Variants in CNIH1 observed in about 807,000 individuals in gnomAD.
The protein encoded by CNIH1 is cornichon family member 1.
A neutral mutation model predicts 20.2 loss-of-function variants in CNIH1; 12 were observed. The ratio of observed to expected loss-of-function variants is 0.59; its 90% confidence interval spans 0.38 to 0.96. The LOEUF is 0.96. Among genes scored for constraint, CNIH1 ranks in the 40% least tolerant of loss-of-function variants. CNIH1 has a pLI of 0.00. For missense variants in CNIH1, 152 were observed against 178.8 expected, an observed-to-expected ratio of 0.85 and a Z score of 0.85; for synonymous variants, 69 against 63.3, an observed-to-expected ratio of 1.09 and a Z score of -0.43.
chr14:54,433,671 G>A (rs946181028), intron 2 of CNIH1, among the ~76,000 whole-genome samples: 1 of 152,068 alleles, frequency 6.6e-6, no homozygotes, highest in African/African-American at 2.4e-5. Flanking sequence ...TTAAATTACA[G>A]ACGTTGTCTT....
At chr14:54,440,242 A>T (rs1342856473) in intron 1 of CNIH1, among the ~76,000 whole-genome samples, 1 of 152,214 alleles carries the variant, frequency 6.6e-6, no homozygotes, top group Non-Finnish European at 1.5e-5. Flanking sequence ...CGTAAGAGTG[A>T]ACGCGGTCAT....
At chr14:54,430,540 G>T in intron 3 of CNIH1, 136 bp from the exon 4 acceptor site, 1 of 772,174 alleles carries the variant, frequency 1.3e-6, no homozygotes, top group Non-Finnish European at 2.0e-6. Flanking sequence ...TGGGTAAAAT[G>T]CTTTCCTTTT....
At position 54,426,265 on chromosome 14, in the gene CNIH1, C is replaced by A. The variant is rs574075873; in HGVS notation, c.*1549G>T. ...CTAAATCTCTTCCTCAACATACTCACCCCCATTACCCAGAATAGTTAACAG... is the reference window on the plus strand; with the variant it reads ...CTAAATCTCTTCCTCAACATACTCAACCCCATTACCCAGAATAGTTAACAG... On this transcript the variant is annotated 3_prime_UTR_variant, in exon 5 of 5. Coordinates refer to ENST00000216416, the MANE Select transcript of CNIH1 (RefSeq NM_005776.3). 1 of 152,172 alleles carries A rather than the reference C, an allele frequency of 6.6e-6. No homozygotes were observed. The highest frequency in any genetic ancestry group is 1.5e-5 in the Non-Finnish European group (1 of 68,036). The allele number at this position is 152,172 out of a possible 1,614,324, so 9.4% of individuals were successfully genotyped here. A position where few individuals can be genotyped will look rare whatever the true frequency, so the allele number is the denominator to read the frequency against.
chr14:54,438,291 T>C (rs2031096030), intron 1 of CNIH1, among the ~76,000 whole-genome samples: 1 of 152,224 alleles, frequency 6.6e-6, no homozygotes, highest in Non-Finnish European at 1.5e-5. Flanking sequence ...CAGGGATTTT[T>C]TAACTATGTT....
Position 54,426,772 on chromosome 14 carries a change from C to G in CNIH1, c.*1042G>C, listed in dbSNP as rs1184994891. 6.6e-6 allele frequency: 1 copy of G among 152,162 alleles called. No homozygotes were observed. The highest frequency in any genetic ancestry group is 1.9e-4 in the East Asian group (1 of 5,200). The allele number at this position is 152,162 out of a possible 1,614,324, so 9.4% of individuals were successfully genotyped here. A position where few individuals can be genotyped will look rare whatever the true frequency, so the allele number is the denominator to read the frequency against. ...TGACAAAAGAGGTTAATGTGCTCGGCATTTAAAAATTTTCCTTTTTAGATC... is the reference window on the plus strand; with the variant it reads ...TGACAAAAGAGGTTAATGTGCTCGGGATTTAAAAATTTTCCTTTTTAGATC... On this transcript the variant is annotated 3_prime_UTR_variant, in exon 5 of 5. Coordinates refer to ENST00000216416, the MANE Select transcript of CNIH1 (RefSeq NM_005776.3).
rs1296287114 is a variant in CNIH1, at chr14:54,426,826, A to T, written c.*988T>A. The T allele has an allele frequency of 6.6e-6, 1 of 152,214 alleles. No individual in the cohort carries two copies. Among genetic ancestry groups the T allele is most frequent in the African/African-American group, 2.4e-5 (1 of 41,466 alleles). The allele number at this position is 152,214 out of a possible 1,614,324, so 9.4% of individuals were successfully genotyped here. A position where few individuals can be genotyped will look rare whatever the true frequency, so the allele number is the denominator to read the frequency against. On this transcript the variant is annotated 3_prime_UTR_variant, in exon 5 of 5. Coordinates refer to ENST00000216416, the MANE Select transcript of CNIH1 (RefSeq NM_005776.3). ...GCATGGTATTTTTCAGAAAACCCAT[A>T]ATGTAGTACGTCACTTTTTAAAAAT...
chr14:54,440,173 CT>C (rs1566718908), intron 1 of CNIH1, among the ~76,000 whole-genome samples: 1 of 152,194 alleles, frequency 6.6e-6, no homozygotes, highest in Non-Finnish European at 1.5e-5. Context: ...CATTCTGCCC[CT>C]CCGTATGTTT....
rs186336316 is a variant in CNIH1, at chr14:54,425,655, A to C, written c.*2159T>G. On this transcript the variant is annotated 3_prime_UTR_variant, in exon 5 of 5. Coordinates refer to ENST00000216416, the MANE Select transcript of CNIH1 (RefSeq NM_005776.3). ...GACATGGTAAAAGTGGGTAGATATT[A>C]GGAGAGCAGGTACTCAATCTTTTAA... is the stretch of plus-strand genomic sequence containing the variant. The C allele has an allele frequency of 6.6e-6, 1 of 152,356 alleles. No individual in the cohort carries two copies. The highest frequency in any genetic ancestry group is 6.5e-5 in the Admixed American group (1 of 15,306). 9.4% of individuals were successfully genotyped at this position (152,356 alleles called of 1,614,324 possible).
chr14:54,436,297 T>C, intron 2 of CNIH1, 72 bp downstream of exon 2: 4 of 914,332 alleles, frequency 4.4e-6, no homozygotes, highest in Non-Finnish European at 7.1e-6. Context: ...ATACTGGCCA[T>C]TTTCAAATTA....
chr14:54,430,641 T>A (rs10400772), intron 3 of CNIH1, among the ~76,000 whole-genome samples: 10,104 of 152,240 alleles, frequency 0.066, 571 homozygotes, highest in East Asian at 0.28. Context: ...CAGAAATCCA[T>A]GAAAAATAGG....
intron 1 of CNIH1, among the ~76,000 whole-genome samples, chr14:54,440,319 A>G (rs191208363): frequency 3.7e-4 from 56 of 152,318 alleles, no homozygotes; most frequent in African/African-American, 1.3e-3. Flanking sequence ...TATGAGATAA[A>G]TTTTTAATGA....
chr14:54,432,670 G>A (rs2030973004), intron 2 of CNIH1, among the ~76,000 whole-genome samples: 1 of 152,092 alleles, frequency 6.6e-6, no homozygotes, highest in South Asian at 2.1e-4. Flanking sequence ...GTGTTTTTAA[G>A]CCTTTAACAA....
chr14:54,430,464 G>C (rs993574662), intron 3 of CNIH1, 60 bp from the exon 4 acceptor site: 2 of 1,508,636 alleles, frequency 1.3e-6, no homozygotes, highest in African/African-American at 1.4e-5. Flanking sequence ...AGATAAGAAA[G>C]CAGGTCTTTC....
At chr14:54,433,673 C>T (rs546700232) in intron 2 of CNIH1, among the ~76,000 whole-genome samples, 6 of 152,174 alleles carry the variant, frequency 3.9e-5, no homozygotes, top group Admixed American at 2.0e-4. Flanking sequence ...AAATTACAGA[C>T]GTTGTCTTTA....
intron 1 of CNIH1, 99 bp downstream of exon 1, chr14:54,441,148 G>T: frequency 8.1e-7 from 1 of 1,228,338 alleles, no homozygotes; most frequent in Non-Finnish European, 1.0e-6. Flanking sequence ...TCCCCGACGC[G>T]CAAAGCCCCG....
chr14:54,435,041 T>C (rs959449790), intron 2 of CNIH1, among the ~76,000 whole-genome samples: 22 of 152,234 alleles, frequency 1.4e-4, no homozygotes, highest in African/African-American at 5.1e-4. Context: ...CTCTAGCACC[T>C]AGTGCTAGTA....
chr14:54,431,360 T>C (rs535681392), intron 3 of CNIH1, among the ~76,000 whole-genome samples: 2 of 151,702 alleles, frequency 1.3e-5, no homozygotes, highest in South Asian at 4.2e-4. Context: ...ACTCCTGACC[T>C]TGTGATCCAC....
intron 2 of CNIH1, chr14:54,436,062 T>C (rs1166102339): frequency 2.8e-6 from 2 of 702,068 alleles, no homozygotes; most frequent in Non-Finnish European, 5.2e-6. Context: ...AACATTTAAC[T>C]AAAAAGCAGT....
At chr14:54,430,128 G>A in intron 4 of CNIH1, 133 bp downstream of exon 4, 1 of 867,450 alleles carries the variant, frequency 1.2e-6, no homozygotes, top group African/African-American at 1.7e-5. Context: ...GTGCGAATTT[G>A]CTGGTGTGCA....
Sources: allele counts gnomAD v4.1 joint callset (sites outside exome capture counted in the v4.1 genomes callset), GRCh38; gene constraint gnomAD v4.1.1; transcripts MANE v1.5; gene names NCBI Gene and HGNC (gene_info 2026-07-23, HGNC 2026-07-21).